Variants in TSC22D1 observed in about 807,000 individuals in gnomAD.
TSC22D1 encodes TSC22 domain family member 1, also known as TSC22 domain family protein 1.
In TSC22D1, 9 loss-of-function variants were observed where a neutral mutation model predicts 74.2. The observed-to-expected ratio is 0.12, with a 90% CI of 0.07 to 0.21. TSC22D1 has a LOEUF of 0.21. Ranked by LOEUF, TSC22D1 falls within the 10% of genes least tolerant of loss-of-function variation. TSC22D1 has a pLI of 1.00. For missense variants in TSC22D1, 1,427 were observed against 1,304.7 expected (o/e 1.09, Z -1.44); for synonymous variants, 586 against 492.5 (o/e 1.19, Z -2.51).
chr13:44,459,762 A>G (rs975841510), intron 1 of TSC22D1, among the ~76,000 whole-genome samples: 13 of 152,216 alleles, frequency 8.5e-5, no homozygotes, highest in Admixed American at 7.8e-4. Flanking sequence ...CACTTACAGT[A>G]TGCCTGGTCT....
chr13:44,447,163 A>G (rs1166209958), intron 1 of TSC22D1, among the ~76,000 whole-genome samples: 1 of 149,920 alleles, frequency 6.7e-6, no homozygotes, highest in South Asian at 2.1e-4. Flanking sequence ...TTTTTTTTTA[A>G]ATTAGAGACA....
At position 44,434,889 on chromosome 13, in the gene TSC22D1, A is replaced by G. The variant is rs1173919577; in HGVS notation, c.2965-6T>C. ...AAATGGCTTTTCACTAGATCCTGGAAAGAAGACAGAAAAGGTTTAACTCAT... is the reference window on the plus strand; with the variant it reads ...AAATGGCTTTTCACTAGATCCTGGAGAGAAGACAGAAAAGGTTTAACTCAT... On this transcript the variant is annotated splice_polypyrimidine_tract_variant and splice_region_variant and intron_variant, in intron 2 of 2. Coordinates refer to ENST00000458659, the MANE Select transcript of TSC22D1 (RefSeq NM_183422.4). The G allele has an allele frequency of 3.1e-6, 5 of 1,607,496 alleles. No homozygotes were observed. Among genetic ancestry groups the G allele is most frequent in the Middle Eastern group, 3.5e-4 (2 of 5,740 alleles).
chr13:44,541,525 T>C (rs892593020), intron 1 of TSC22D1, among the ~76,000 whole-genome samples: 23 of 152,148 alleles, frequency 1.5e-4, no homozygotes, highest in African/African-American at 5.3e-4. Context: ...TGAAAGTACT[T>C]TATGCACCTA....
intron 1 of TSC22D1, chr13:44,537,472 A>T: frequency 1.0e-6 from 1 of 985,150 alleles, no homozygotes; most frequent in Non-Finnish European, 1.2e-6. Flanking sequence ...AGCTGAAACA[A>T]AAAGCTTATA....
intron 1 of TSC22D1, among the ~76,000 whole-genome samples, chr13:44,469,244 G>A (rs1051153422): frequency 6.6e-6 from 1 of 151,752 alleles, no homozygotes; most frequent in Admixed American, 6.6e-5. Context: ...ACCCATCTCC[G>A]GCTTCCCTTT....
chr13:44,566,453 T>C (rs992526792), intron 1 of TSC22D1, among the ~76,000 whole-genome samples: 2 of 152,214 alleles, frequency 1.3e-5, no homozygotes, highest in African/African-American at 4.8e-5. Flanking sequence ...TTCTATGAAC[T>C]GAAATTCTGA....
At chr13:44,519,620 G>C (rs962489929) in intron 1 of TSC22D1, among the ~76,000 whole-genome samples, 3 of 152,050 alleles carry the variant, frequency 2.0e-5, no homozygotes. Context: ...ATTATAGCAA[G>C]AATTTTTGTC....
At chr13:44,507,823 A>G (rs1404444095) in intron 1 of TSC22D1, among the ~76,000 whole-genome samples, 1 of 152,200 alleles carries the variant, frequency 6.6e-6, no homozygotes, top group South Asian at 2.1e-4. Flanking sequence ...CTCTGTCCTC[A>G]GAGTGCCATA....
chr13:44,551,976 G>C (rs540105197), intron 1 of TSC22D1, among the ~76,000 whole-genome samples: 1 of 152,308 alleles, frequency 6.6e-6, no homozygotes, highest in Admixed American at 6.5e-5. Context: ...AGTAAGAGCA[G>C]ACACCATTTA....
intron 1 of TSC22D1, among the ~76,000 whole-genome samples, chr13:44,453,002 G>C (rs1876273237): frequency 6.6e-6 from 1 of 152,126 alleles, no homozygotes; most frequent in Admixed American, 6.5e-5. Context: ...ACCTGGCTCT[G>C]AACTACAGTC....
intron 1 of TSC22D1, among the ~76,000 whole-genome samples, chr13:44,448,391 C>T (rs76243809): frequency 0.031 from 4,696 of 152,142 alleles, 213 homozygotes; most frequent in African/African-American, 0.1. Flanking sequence ...CATACAGAGC[C>T]ACTTAGGGTC....
chr13:44,567,092 C>T (rs1342052892), intron 1 of TSC22D1, among the ~76,000 whole-genome samples: 1 of 152,176 alleles, frequency 6.6e-6, no homozygotes, highest in Admixed American at 6.5e-5. Context: ...TCAGGCACAG[C>T]AAAATGCAGA....
chr13:44,480,465 T>C (rs983776163), intron 1 of TSC22D1, among the ~76,000 whole-genome samples: 7 of 152,064 alleles, frequency 4.6e-5, no homozygotes, highest in African/African-American at 1.4e-4. Flanking sequence ...AATCAAATAA[T>C]TATAATATAG....
At chr13:44,454,562 T>TG (rs1876413675) in intron 1 of TSC22D1, among the ~76,000 whole-genome samples, 1 of 152,030 alleles carries the variant, frequency 6.6e-6, no homozygotes, top group Non-Finnish European at 1.5e-5. Context: ...AGTTACTATA[T>TG]TTACTATGTT....
At chr13:44,477,205 G>C (rs113013044) in intron 1 of TSC22D1, among the ~76,000 whole-genome samples, 37 of 151,094 alleles carry the variant, frequency 2.4e-4, no homozygotes, top group African/African-American at 9.0e-4. Flanking sequence ...CACCCGCCTT[G>C]GCCTCCCAAA....
intron 1 of TSC22D1, among the ~76,000 whole-genome samples, chr13:44,520,516 G>A (rs1595134488): frequency 6.6e-6 from 1 of 152,176 alleles, no homozygotes; most frequent in Non-Finnish European, 1.5e-5. Flanking sequence ...GAAGCATGGG[G>A]AAGTAGCTAG....
intron 1 of TSC22D1, chr13:44,452,937 C>T (rs1023403848): frequency 2.6e-5 from 4 of 152,296 alleles, no homozygotes; most frequent in African/African-American, 9.6e-5. Context: ...TCCCCTGTTT[C>T]GATGAAACTC....
intron 1 of TSC22D1, among the ~76,000 whole-genome samples, chr13:44,466,423 CA>C: frequency 1.3e-5 from 2 of 152,224 alleles, no homozygotes; most frequent in East Asian, 3.9e-4. Flanking sequence ...TGGGTGGCAA[CA>C]AAAGTTTTCA....
At chr13:44,554,872 C>A (rs1169029358) in intron 1 of TSC22D1, among the ~76,000 whole-genome samples, 2 of 152,086 alleles carry the variant, frequency 1.3e-5, no homozygotes, top group Non-Finnish European at 2.9e-5. Context: ...CCCTATTTCT[C>A]TTGTCTCCTC....
Sources: allele counts gnomAD v4.1 joint callset (sites outside exome capture counted in the v4.1 genomes callset), GRCh38; gene constraint gnomAD v4.1.1; transcripts MANE v1.5; gene names NCBI Gene and HGNC (gene_info 2026-07-23, HGNC 2026-07-21).